CNTN5: variants seen among roughly 807,000 people sequenced by gnomAD.
CNTN5 encodes contactin 5.
A neutral mutation model predicts 129.1 loss-of-function variants in CNTN5; 77 were observed. The observed-to-expected ratio is 0.60, with a 90% CI of 0.50 to 0.72. The LOEUF is 0.72. Among genes scored for constraint, CNTN5 ranks in the 30% least tolerant of loss-of-function variants. The pLI, the probability that CNTN5 is intolerant of heterozygous loss-of-function variation, is 0.00. For missense variants in CNTN5, 1,478 were observed against 1,328.8 expected, an observed-to-expected ratio of 1.11 and a Z score of -1.75; for synonymous variants, 509 against 465.6, an observed-to-expected ratio of 1.09 and a Z score of -1.20.
chr11:99,098,254 T>C (rs1464429144), intron 1 of CNTN5, among the ~76,000 whole-genome samples: 10 of 152,250 alleles, frequency 6.6e-5, no homozygotes, highest in African/African-American at 2.4e-4. Context: ...GTCTGTAAAC[T>C]GGATTGAAAC....
At chr11:99,984,940 G>A (rs577179547) in intron 8 of CNTN5, among the ~76,000 whole-genome samples, 1 of 152,336 alleles carries the variant, frequency 6.6e-6, no homozygotes, top group African/African-American at 2.4e-5. Flanking sequence ...GAGTAAGTGA[G>A]TGTGGAATCC....
At chr11:100,230,349 T>G (rs931679790) in intron 16 of CNTN5, among the ~76,000 whole-genome samples, 16 of 152,196 alleles carry the variant, frequency 1.1e-4, no homozygotes, top group African/African-American at 3.1e-4. Flanking sequence ...TTAGACTTTC[T>G]CTAATTAGTG....
At chr11:100,316,444 A>T (rs1213485125) in intron 21 of CNTN5, among the ~76,000 whole-genome samples, 1 of 152,164 alleles carries the variant, frequency 6.6e-6, no homozygotes, top group Admixed American at 6.5e-5. Context: ...ACGTTGGAAC[A>T]ATATAATTCT....
chr11:99,579,693 T>C (rs1949502176), intron 3 of CNTN5, among the ~76,000 whole-genome samples: 1 of 138,294 alleles, frequency 7.2e-6, no homozygotes, highest in Non-Finnish European at 1.5e-5. Flanking sequence ...ATCCTGAGAC[T>C]TTGCTGAAGT....
intron 1 of CNTN5, among the ~76,000 whole-genome samples, chr11:99,089,399 C>T (rs1261983856): frequency 1.3e-5 from 2 of 152,140 alleles, no homozygotes; most frequent in Admixed American, 1.3e-4. Flanking sequence ...ATTTTATTCT[C>T]ATTTAACGCT....
intron 4 of CNTN5, among the ~76,000 whole-genome samples, chr11:99,840,716 GA>G (rs1450491701): frequency 9.2e-5 from 14 of 152,076 alleles, no homozygotes; most frequent in Non-Finnish European, 1.6e-4. Context: ...CAAATGTGTC[GA>G]AGGCTTCTAC....
chr11:99,745,888 G>C (rs1218028735), intron 3 of CNTN5, among the ~76,000 whole-genome samples: 2 of 152,154 alleles, frequency 1.3e-5, no homozygotes, highest in Non-Finnish European at 2.9e-5. Flanking sequence ...TGTGATGATT[G>C]AAAGAATAGG....
At chr11:99,090,980 C>T (rs1044634059) in intron 1 of CNTN5, among the ~76,000 whole-genome samples, 3 of 140,390 alleles carry the variant, frequency 2.1e-5, no homozygotes, top group Non-Finnish European at 4.5e-5. Context: ...CGAGATCGTG[C>T]CACTGCACTC....
chr11:99,348,135 C>T (rs748262775), intron 2 of CNTN5, among the ~76,000 whole-genome samples: 24 of 152,118 alleles, frequency 1.6e-4, no homozygotes, highest in African/African-American at 5.3e-4. Context: ...GTCAGGAGAT[C>T]GAGACCATCC....
At chr11:99,076,297 G>A (rs1008499870) in intron 1 of CNTN5, among the ~76,000 whole-genome samples, 6 of 152,160 alleles carry the variant, frequency 3.9e-5, no homozygotes, top group Admixed American at 3.9e-4. Context: ...GTTGCACCCA[G>A]TGAACTGGGT....
At chr11:99,367,879 G>C (rs1435426986) in intron 2 of CNTN5, among the ~76,000 whole-genome samples, 1 of 152,144 alleles carries the variant, frequency 6.6e-6, no homozygotes, top group Non-Finnish European at 1.5e-5. Flanking sequence ...AGGTTTCAAA[G>C]AGTTCATTGC....
chr11:100,257,583 A>C (rs1225933523), intron 17 of CNTN5, among the ~76,000 whole-genome samples: 1 of 152,128 alleles, frequency 6.6e-6, no homozygotes, highest in Admixed American at 6.5e-5. Context: ...ACTAAGCTTC[A>C]AGGAGGAAAC....
At chr11:99,224,286 G>A (rs1214641684) in intron 1 of CNTN5, among the ~76,000 whole-genome samples, 1 of 152,094 alleles carries the variant, frequency 6.6e-6, no homozygotes, top group African/African-American at 2.4e-5. Context: ...TTATGCAAAT[G>A]ACAAGTGCAT....
chr11:99,081,754 G>T (rs553411814), intron 1 of CNTN5, among the ~76,000 whole-genome samples: 2 of 152,214 alleles, frequency 1.3e-5, no homozygotes, highest in African/African-American at 4.8e-5. Context: ...CTTTTAAAAT[G>T]CATAGCATGT....
intron 13 of CNTN5, among the ~76,000 whole-genome samples, chr11:100,124,146 A>C (rs1348082046): frequency 6.6e-6 from 1 of 152,020 alleles, no homozygotes; most frequent in Non-Finnish European, 1.5e-5. Context: ...TGTTATTGTA[A>C]AAGATACAGA....
intron 3 of CNTN5, among the ~76,000 whole-genome samples, chr11:99,615,194 C>A (rs1048209846): frequency 5.9e-5 from 9 of 151,550 alleles, no homozygotes; most frequent in Non-Finnish European, 1.3e-4. Context: ...ATCATAAATA[C>A]TTGAAACTAC....
At chr11:99,307,131 T>C (rs1322196731) in intron 1 of CNTN5, among the ~76,000 whole-genome samples, 1 of 152,164 alleles carries the variant, frequency 6.6e-6, no homozygotes, top group Non-Finnish European at 1.5e-5. Context: ...AGTCTTAGAA[T>C]AGTATTTAAA....
chr11:99,734,781 G>T (rs910947168), intron 3 of CNTN5, among the ~76,000 whole-genome samples: 15 of 151,904 alleles, frequency 9.9e-5, no homozygotes, highest in African/African-American at 3.4e-4. Context: ...TGGGTCCGGG[G>T]AAAAGCTACC....
intron 2 of CNTN5, among the ~76,000 whole-genome samples, chr11:99,431,081 G>A (rs1943349393): frequency 1.3e-5 from 2 of 150,600 alleles, no homozygotes; most frequent in Admixed American, 1.3e-4. Flanking sequence ...GGCATAACTC[G>A]GAACTCTCAT....
Sources: allele counts gnomAD v4.1 joint callset (sites outside exome capture counted in the v4.1 genomes callset), GRCh38; gene constraint gnomAD v4.1.1; transcripts MANE v1.5; gene names NCBI Gene and HGNC (gene_info 2026-07-23, HGNC 2026-07-21).